The following SERPINI1 variants were observed in gnomAD, a reference collection of about 807,000 sequenced individuals.
The protein encoded by SERPINI1 is neuroserpin.
Under a neutral mutation model 41.1 loss-of-function variants are expected in SERPINI1, and 19 were observed. The observed-to-expected ratio is 0.46, with a 90% CI of 0.32 to 0.68. The LOEUF (loss-of-function observed/expected upper bound fraction) is 0.68. Among genes scored for constraint, SERPINI1 ranks in the 30% least tolerant of loss-of-function variants. The probability of loss-of-function intolerance (pLI) is 0.03; values close to 1 mark genes in which losing one functional copy is unlikely to be tolerated. For missense variants in SERPINI1, 460 were observed against 479.2 expected (o/e 0.96, Z 0.37); for synonymous variants, 138 against 156.6 (o/e 0.88, Z 0.89).
intron 1 of SERPINI1, among the ~76,000 whole-genome samples, chr3:167,737,885 A>AT (rs1725534198): frequency 6.6e-6 from 1 of 152,122 alleles, no homozygotes; most frequent in South Asian, 2.1e-4. Flanking sequence ...TAAAGTACTG[A>AT]TTTTTTTCAC....
At chr3:167,797,371 T>G (rs1011500963) in intron 5 of SERPINI1, among the ~76,000 whole-genome samples, 5 of 152,144 alleles carry the variant, frequency 3.3e-5, no homozygotes, top group African/African-American at 1.2e-4. Flanking sequence ...TGTTAAGTTT[T>G]GCTTTTGTTG....
chr3:167,804,738 GA>G (rs1229256631), intron 5 of SERPINI1, among the ~76,000 whole-genome samples: 1 of 152,158 alleles, frequency 6.6e-6, no homozygotes, highest in Non-Finnish European at 1.5e-5. Flanking sequence ...AGCTACTTGG[GA>G]GGCTGAAGCA....
intron 1 of SERPINI1, among the ~76,000 whole-genome samples, chr3:167,773,147 G>A (rs182951238): frequency 6.6e-6 from 1 of 151,682 alleles, no homozygotes; most frequent in East Asian, 1.9e-4. Context: ...TAAGGAGAGG[G>A]ACACATCCTA....
intron 1 of SERPINI1, among the ~76,000 whole-genome samples, chr3:167,764,151 A>G (rs982918425): frequency 1.3e-5 from 2 of 152,172 alleles, no homozygotes; most frequent in Non-Finnish European, 2.9e-5. Flanking sequence ...CCAAAAAGAA[A>G]ACTGACCACA....
chr3:167,802,955 T>G (rs1311578016), intron 5 of SERPINI1, among the ~76,000 whole-genome samples: 11 of 150,922 alleles, frequency 7.3e-5, no homozygotes, highest in South Asian at 4.2e-4. Flanking sequence ...CCATAAAAAA[T>G]GATGAGTTCA....
rs1712324318 is a variant in SERPINI1 at position 167,821,459 on chromosome 3, A to G, written c.980-1527A>G. ...ACTTCTGGTCCAGCTGCAGCCTAGC[A>G]GTGAGCCAGCATCCATGCCAGTGCC... On this transcript the variant is annotated intron_variant, in intron 6 of 8. Coordinates refer to ENST00000446050, the MANE Select transcript of SERPINI1 (RefSeq NM_001122752.2). Among the ~76,000 whole-genome samples the G allele has an allele frequency of 7.2e-5, 11 of 152,322 alleles. No individual in the cohort carries two copies. In the South Asian group the frequency reaches 2.3e-3, roughly 32 times the overall value.
intron 4 of SERPINI1, among the ~76,000 whole-genome samples, chr3:167,793,394 G>A (rs1727592331): frequency 6.6e-6 from 1 of 151,690 alleles, no homozygotes; most frequent in Admixed American, 6.6e-5. Flanking sequence ...TAATCAGAAA[G>A]GTAATTTTTA....
At chr3:167,793,522 G>A (rs1348787987) in intron 4 of SERPINI1, among the ~76,000 whole-genome samples, 1 of 150,838 alleles carries the variant, frequency 6.6e-6, no homozygotes, top group Non-Finnish European at 1.5e-5. Flanking sequence ...AGGATTCCTT[G>A]AAGCCAGGAG....
At chr3:167,794,409 T>C (rs1727646337) in intron 4 of SERPINI1, among the ~76,000 whole-genome samples, 1 of 152,152 alleles carries the variant, frequency 6.6e-6, no homozygotes, top group Non-Finnish European at 1.5e-5. Context: ...TAAACCTTTT[T>C]ATTTATTTTT....
In SERPINI1 at chr3:167,761,898, T is replaced by A. The variant is rs772818224; in HGVS notation, c.-19+26075T>A. Among the ~76,000 whole-genome samples the A allele has an allele frequency of 3.1e-4, 47 of 152,338 alleles. 1 individual carries two copies. The Middle Eastern group carries it at 0.024, about 77-fold the overall frequency. Reference sequence around the variant, plus strand: ...TACTTGTACAATTTATTTTCCAAACTAATTCTAAGCAAAGATGAGTAATAC... The same window carrying A: ...TACTTGTACAATTTATTTTCCAAACAAATTCTAAGCAAAGATGAGTAATAC... On this transcript the variant is annotated intron_variant, in intron 1 of 8. Transcript: ENST00000446050.
At chr3:167,760,205 A>C (rs1247172368) in intron 1 of SERPINI1, among the ~76,000 whole-genome samples, 1 of 152,128 alleles carries the variant, frequency 6.6e-6, no homozygotes, top group African/African-American at 2.4e-5. Context: ...CTAAGTAGGA[A>C]TGGTGCTTAA....
chr3:167,812,068 T>A (rs1272214394), intron 6 of SERPINI1, among the ~76,000 whole-genome samples: 2 of 152,162 alleles, frequency 1.3e-5, no homozygotes, highest in Admixed American at 6.5e-5. Flanking sequence ...TGCTAAGACC[T>A]CTCAAGTCCA....
chr3:167,824,143 G>C (rs1377463050), intron 7 of SERPINI1, among the ~76,000 whole-genome samples: 2 of 152,012 alleles, frequency 1.3e-5, no homozygotes, highest in Non-Finnish European at 1.5e-5. Flanking sequence ...AGTCATTTTA[G>C]TAAAGACACA....
chr3:167,738,319 T>C (rs932412656), intron 1 of SERPINI1, among the ~76,000 whole-genome samples: 1 of 152,150 alleles, frequency 6.6e-6, no homozygotes, highest in African/African-American at 2.4e-5. Flanking sequence ...TAATTTCAAA[T>C]TACCATATCC....
chr3:167,741,781 TTAA>T (rs1725684156), intron 1 of SERPINI1, among the ~76,000 whole-genome samples: 1 of 152,246 alleles, frequency 6.6e-6, no homozygotes, highest in Non-Finnish European at 1.5e-5. Flanking sequence ...CTTACAGATG[TTAA>T]ATCCCTTATT....
rs369596299 is a variant in SERPINI1 at position 167,789,345 on chromosome 3, C to T, written c.217C>T (p.Arg73Cys). Residue 73 changes from arginine (R) to cysteine (C), a missense_variant, in exon 2 of 9, where the codon CGC becomes TGC. Coordinates refer to ENST00000446050, the MANE Select transcript of SERPINI1 (RefSeq NM_001122752.2). The part of the protein sequence containing the change: ...GAQGSTQKEI[R>C]HSMGYDSLKN... ...CCAAGGATCTACCCAGAAAGAAATC[C>T]GCCACTCAATGGGATATGACAGCCT... 83 of 1,614,004 alleles carry T rather than the reference C, an allele frequency of 5.1e-5. No homozygotes were observed. In the African/African-American group the frequency reaches 8.5e-4, roughly 17 times the overall value.
At chr3:167,811,432 C>CA (rs1333888745) in intron 6 of SERPINI1, among the ~76,000 whole-genome samples, 3 of 143,748 alleles carry the variant, frequency 2.1e-5, no homozygotes, top group African/African-American at 7.7e-5. Flanking sequence ...GGTCAAAAGA[C>CA]AGAGGAGTCA....
intron 3 of SERPINI1, among the ~76,000 whole-genome samples, chr3:167,792,118 G>C (rs1727540147): frequency 6.6e-6 from 1 of 152,002 alleles, no homozygotes; most frequent in South Asian, 2.1e-4. Context: ...CAGAGAGACT[G>C]TTTGTAAAAC....
intron 1 of SERPINI1, among the ~76,000 whole-genome samples, chr3:167,784,111 C>G (rs1264560249): frequency 6.6e-6 from 1 of 151,156 alleles, no homozygotes; most frequent in South Asian, 2.1e-4. Context: ...ACCTGCAGAG[C>G]TGCAGGTCCA....
Sources: allele counts gnomAD v4.1 joint callset (sites outside exome capture counted in the v4.1 genomes callset), GRCh38; gene constraint gnomAD v4.1.1; transcripts MANE v1.5; gene names NCBI Gene and HGNC (gene_info 2026-07-23, HGNC 2026-07-21).